Variants in LCP2 observed in about 807,000 individuals in gnomAD.
LCP2 encodes 76 kDa tyrosine phosphoprotein.
A neutral mutation model predicts 74.5 loss-of-function variants in LCP2; 29 were observed. The ratio of observed to expected loss-of-function variants is 0.39; its 90% CI spans 0.29 to 0.53. LCP2 has a LOEUF of 0.53. Among genes scored for constraint, LCP2 ranks in the 20% least tolerant of loss-of-function variants. The pLI is 0.72. For synonymous variants in LCP2, 228 were observed against 229.5 expected, an observed-to-expected ratio of 0.99 and a Z score of 0.06; for missense variants, 604 against 634.6, an observed-to-expected ratio of 0.95 and a Z score of 0.52.
chr5:170,275,799 G>T lies in LCP2; in HGVS notation c.250C>A (p.Arg84Ser). ...KNEERRSIFTRKPQVPRFPEE... is the reference protein window; with the variant it reads ...KNEERRSIFTSKPQVPRFPEE... ...CCTTACACCAGCCGCACTCACTTGC[G>T]TGTGAAGATGCTCCTCCTCTCTTCG... Residue 84 changes from arginine to serine, a missense_variant, in exon 4 of 21, where the codon CGC becomes AGC. By Grantham distance (110) the Arg-to-Ser change is moderately radical. Transcript: ENST00000046794. 1 of 1,578,608 alleles carries T rather than the reference G, an allele frequency of 6.3e-7. No individual in the cohort carries two copies. The highest frequency in any genetic ancestry group is 8.6e-7 in the Non-Finnish European group (1 of 1,159,726).
chr5:170,287,839 G>GCCCT (rs1430349926), intron 3 of LCP2, 131 bp downstream of exon 3: 6 of 810,322 alleles, frequency 7.4e-6, no homozygotes, highest in Admixed American at 4.0e-5. Context: ...TCCTGCCCTT[G>GCCCT]CCCTCATCCT....
chr5:170,259,279 A>C (rs1200240020), intron 14 of LCP2, among the ~76,000 whole-genome samples: 1 of 152,212 alleles, frequency 6.6e-6, no homozygotes, highest in Non-Finnish European at 1.5e-5. Context: ...GATGCTGAGG[A>C]AGCTTCCTTA....
intron 3 of LCP2, among the ~76,000 whole-genome samples, chr5:170,280,611 C>T (rs966813737): frequency 1.3e-5 from 2 of 152,178 alleles, no homozygotes; most frequent in South Asian, 2.1e-4. Context: ...TTACTTGTCA[C>T]CCATGTCCCC....
intron 8 of LCP2, among the ~76,000 whole-genome samples, chr5:170,268,012 A>T (rs1441653627): frequency 1.3e-5 from 2 of 152,070 alleles, no homozygotes; most frequent in African/African-American, 2.4e-5. Flanking sequence ...CTCCGGTCTG[A>T]AGGCTCCTGT....
intron 6 of LCP2, among the ~76,000 whole-genome samples, chr5:170,272,056 G>T (rs1164015362): frequency 6.6e-6 from 1 of 152,088 alleles, no homozygotes; most frequent in Non-Finnish European, 1.5e-5. Flanking sequence ...GAGCAGGTGG[G>T]CAGAGCCCCA....
intron 1 of LCP2, among the ~76,000 whole-genome samples, chr5:170,294,144 T>C (rs1188276542): frequency 3.3e-5 from 5 of 152,200 alleles, no homozygotes; most frequent in Non-Finnish European, 7.3e-5. Context: ...GGCTTTAATG[T>C]CTCTTTCAGA....
chr5:170,275,654 T>C (rs1183752943), intron 4 of LCP2, 141 bp downstream of exon 4: 14 of 757,470 alleles, frequency 1.8e-5, no homozygotes, highest in South Asian at 1.7e-4. Context: ...CTTCCCCTCG[T>C]TGGACACCAT....
intron 3 of LCP2, among the ~76,000 whole-genome samples, chr5:170,281,332 T>C (rs1326304844): frequency 6.6e-6 from 1 of 151,718 alleles, no homozygotes; most frequent in Non-Finnish European, 1.5e-5. Context: ...CAGGCTGGAG[T>C]GCAGTGCCAC....
intron 3 of LCP2, among the ~76,000 whole-genome samples, chr5:170,280,778 C>A (rs1356417548): frequency 6.6e-6 from 1 of 152,120 alleles, no homozygotes; most frequent in Non-Finnish European, 1.5e-5. Flanking sequence ...GAGGCTGAGG[C>A]AGGTGGTTCA....
intron 15 of LCP2, 138 bp downstream of exon 15, chr5:170,258,728 A>T: frequency 1.7e-6 from 1 of 573,934 alleles, no homozygotes; most frequent in African/African-American, 1.9e-5. Context: ...ATGCCAATTG[A>T]CATAAGTCTA....
intron 16 of LCP2, among the ~76,000 whole-genome samples, chr5:170,257,198 G>C (rs1440551982): frequency 6.6e-6 from 1 of 152,198 alleles, no homozygotes; most frequent in Non-Finnish European, 1.5e-5. Flanking sequence ...GTGTGAGTGG[G>C]ATTTTGTGCA....
intron 6 of LCP2, among the ~76,000 whole-genome samples, chr5:170,272,597 CTTTTTTTTTTT>C (rs61463939): frequency 7.7e-4 from 31 of 40,356 alleles, no homozygotes; most frequent in Middle Eastern, 0.077. Flanking sequence ...CAAATATTTT[CTTTTTTTTTTT>C]TTTTTTTTTT....
intron 20 of LCP2, among the ~76,000 whole-genome samples, chr5:170,249,357 C>CGT (rs199770462): frequency 0.04 from 4,172 of 104,564 alleles, 94 homozygotes; most frequent in African/African-American, 0.071. Context: ...TATGTGCATG[C>CGT]GTGTGTATAT....
At chr5:170,250,222 A>T (rs958848652) in intron 20 of LCP2, among the ~76,000 whole-genome samples, 2 of 152,208 alleles carry the variant, frequency 1.3e-5, no homozygotes, top group African/African-American at 4.8e-5. Context: ...TCAAAAAGTG[A>T]CTGGCATGAG....
chr5:170,261,271 AC>A, intron 13 of LCP2, 134 bp from the exon 14 acceptor site: 1 of 676,110 alleles, frequency 1.5e-6, no homozygotes, highest in South Asian at 1.7e-5. Flanking sequence ...GAAGCAACAG[AC>A]CCCCACAGAG....
chr5:170,284,213 T>C (rs569065869), intron 3 of LCP2, among the ~76,000 whole-genome samples: 3 of 152,344 alleles, frequency 2.0e-5, no homozygotes, highest in African/African-American at 7.2e-5. Context: ...CCTAAGTAGT[T>C]ACCATTTCTG....
At chr5:170,253,915 C>T (rs1025555294) in intron 17 of LCP2, among the ~76,000 whole-genome samples, 1 of 152,290 alleles carries the variant, frequency 6.6e-6, no homozygotes, top group African/African-American at 2.4e-5. Context: ...GAGAATGTTT[C>T]CTAATCTCAG....
At chr5:170,276,381 C>T (rs1394852278) in intron 3 of LCP2, among the ~76,000 whole-genome samples, 1 of 152,176 alleles carries the variant, frequency 6.6e-6, no homozygotes, top group African/African-American at 2.4e-5. Flanking sequence ...GTTCTGTGGC[C>T]TGCCTTCTCC....
chr5:170,266,200 T>A (rs900556363), intron 10 of LCP2, among the ~76,000 whole-genome samples: 3 of 152,178 alleles, frequency 2.0e-5, no homozygotes, highest in Non-Finnish European at 4.4e-5. Context: ...CCAAGAATAT[T>A]CTGCGTAAAT....
Sources: gnomAD v4.1 joint callset for allele counts (sites outside exome capture counted in the v4.1 genomes callset) on GRCh38, gnomAD v4.1.1 for gene constraint, MANE v1.5 for transcripts, NCBI Gene and HGNC (gene_info 2026-07-23, HGNC 2026-07-21) for gene names.